The following DGKA variants were observed in gnomAD, a reference collection of about 807,000 sequenced individuals.
DGKA encodes diacylglycerol kinase alpha, also known as 80 kDa diacylglycerol kinase.
DGKA carries 35 observed loss-of-function variants against 105.0 expected under a neutral mutation model. That is an observed-to-expected ratio of 0.33 (90% CI 0.25 to 0.44). The LOEUF is 0.44. DGKA is among the 20% of genes least tolerant of loss of function. The pLI, the probability that DGKA is intolerant of heterozygous loss-of-function variation, is 1.00. For synonymous variants in DGKA, 296 were observed against 332.0 expected, an observed-to-expected ratio of 0.89 and a Z score of 1.18; for missense variants, 665 against 915.0, an observed-to-expected ratio of 0.73 and a Z score of 3.53.
At chr12:55,929,264 A>T (rs1361854302), upstream of DGKA, 1 of 152,268 alleles carries the variant, frequency 6.6e-6, no homozygotes, top group Non-Finnish European at 1.5e-5. Context: ...GCAGGGTCTA[A>T]CATCTTGTCC....
At chr12:55,939,867 G>C (rs1319878167) in intron 9 of DGKA, 1 of 597,170 alleles carries the variant, frequency 1.7e-6, no homozygotes, top group East Asian at 2.8e-5. Flanking sequence ...CTGGCACATG[G>C]ATGGTGTGGG....
At chr12:55,951,989 G>T in intron 18 of DGKA, 46 bp from the exon 19 acceptor site, 1 of 1,606,954 alleles carries the variant, frequency 6.2e-7, no homozygotes, top group Non-Finnish European at 8.5e-7. Flanking sequence ...AGACCGGGAG[G>T]GAGAGATTGA....
intron 1 of DGKA, chr12:55,935,988 C>G (rs1592671051): frequency 2.0e-6 from 2 of 989,388 alleles, no homozygotes; most frequent in Non-Finnish European, 2.4e-6. Flanking sequence ...CCGGAACTGC[C>G]GGAACTGCCG....
In DGKA at chr12:55,936,619, C is replaced by A. The variant is rs764862698; in HGVS notation, c.64+52C>A. The stretch of plus-strand genomic sequence containing the variant: ...TCTGGAGACCCTGCCCCAGAGAATC[C>A]CTCCTCCTCCTCATTACACCCCCTG... On this transcript the variant is annotated intron_variant, in intron 2 of 23. Transcript: ENST00000331886. The A allele has an allele frequency of 1.9e-6, 3 of 1,609,964 alleles. No homozygotes were observed. In the South Asian group the frequency reaches 3.3e-5, roughly 18 times the overall value.
Position 55,937,450 on chromosome 12 carries a change from C to G in DGKA, c.181C>G (p.Leu61Val). 1 of 1,614,172 alleles carries G rather than the reference C, an allele frequency of 6.2e-7. No homozygotes were observed. Among genetic ancestry groups the G allele is most frequent in the Admixed American group, 1.7e-5 (1 of 60,014 alleles). ...EGFQQFLKIY[L>V]EVDNVPRHLS... ...ATTCCAGCAATTCCTGAAAATCTAT[C>G]TCGAAGTGGATAATGTTCCCAGACA... The change falls in exon 4 of 24, where the codon CTC (leucine) becomes GTC (valine). Residue 61 changes from leucine (L) to valine (V), a missense_variant. Coordinates refer to ENST00000331886, the MANE Select transcript of DGKA (RefSeq NM_001345.5).
upstream of DGKA, among the ~76,000 whole-genome samples, chr12:55,928,957 A>G (rs144346859): frequency 0.014 from 2,160 of 151,902 alleles, 51 homozygotes; most frequent in African/African-American, 0.05. Context: ...GGAGTTCGAG[A>G]CCAGCCATGG....
At chr12:55,927,679 C>A (rs1025423017), upstream of DGKA, 14 of 1,536,874 alleles carry the variant, frequency 9.1e-6, no homozygotes, top group Non-Finnish European at 1.2e-5. Context: ...CCACCAGAGA[C>A]CCGCGGGAGG....
intron 13 of DGKA, 130 bp downstream of exon 13, chr12:55,941,110 T>G: frequency 1.5e-6 from 2 of 1,338,724 alleles, no homozygotes; most frequent in Admixed American, 2.0e-5. Flanking sequence ...TCCACCATGG[T>G]AGGGGAGGGA....
intron 17 of DGKA, 133 bp from the exon 18 acceptor site, chr12:55,951,490 C>T (rs1163808462): frequency 2.3e-6 from 2 of 885,124 alleles, no homozygotes; most frequent in Non-Finnish European, 3.5e-6. Flanking sequence ...GCACCCTGCC[C>T]TGTCACTGGC....
chr12:55,953,431 C>T (rs1328122069), intron 23 of DGKA, 21 bp downstream of exon 23: 6 of 1,612,908 alleles, frequency 3.7e-6, no homozygotes, highest in Non-Finnish European at 5.1e-6. Flanking sequence ...ACGATCCCAG[C>T]CAAAAATTAA....
At chr12:55,942,859 C>A (rs543451758) in intron 17 of DGKA, among the ~76,000 whole-genome samples, 8 of 152,128 alleles carry the variant, frequency 5.3e-5, no homozygotes, top group African/African-American at 1.7e-4. Context: ...GCTCTAAGAT[C>A]TTGCTGGAGA....
chr12:55,932,560 G>A lies in DGKA; in HGVS notation c.-82+1216G>A, dbSNP rs1286338266. The A allele has an allele frequency of 4.3e-6, 3 of 702,162 alleles. No homozygotes were observed. The highest frequency in any genetic ancestry group is 4.0e-5 in the Admixed American group (2 of 49,972). 43.5% of individuals were successfully genotyped at this position (702,162 alleles called of 1,614,324 possible). ...CTGAATCTCACTTTTCACCTTGATAGGAGAAATGAGCCTTCCTGAGGAAGA... is the reference window on the plus strand; with the variant it reads ...CTGAATCTCACTTTTCACCTTGATAAGAGAAATGAGCCTTCCTGAGGAAGA... On this transcript the variant is annotated intron_variant, in intron 1 of 23. Coordinates refer to ENST00000331886, the MANE Select transcript of DGKA (RefSeq NM_001345.5). The surrounding 1 kb of genome is among the most constrained non-coding windows in gnomAD (Gnocchi z 4.3).
intron 3 of DGKA, 37 bp from the exon 4 acceptor site, chr12:55,937,371 T>G: frequency 6.2e-7 from 1 of 1,605,522 alleles, no homozygotes; most frequent in Non-Finnish European, 8.5e-7. Context: ...GCTCTGACCT[T>G]GCAGACTCCC....
intron 17 of DGKA, among the ~76,000 whole-genome samples, chr12:55,947,288 G>T (rs1260447365): frequency 2.0e-5 from 3 of 152,008 alleles, no homozygotes; most frequent in Non-Finnish European, 4.4e-5. Flanking sequence ...CCCAGCTGTG[G>T]AGACATTTTT....
chr12:55,938,186 C>T (rs1242374585), intron 5 of DGKA, 134 bp downstream of exon 5: 4 of 809,966 alleles, frequency 4.9e-6, no homozygotes, highest in Non-Finnish European at 6.0e-6. Context: ...AGAGAATGAG[C>T]CCATTTCCTG....
chr12:55,952,037 T>G lies in DGKA; in HGVS notation c.1590T>G (p.Asp530Glu), dbSNP rs1171173898. ...CCTTCATGTCCCGAACTCTCCAGGA[T>G]GCCTCTATTGCTCATCGATTCCACA... Reference protein sequence around the residue: ...IINNYFSIGVDASIAHRFHIM... With the variant: ...IINNYFSIGVEASIAHRFHIM... Residue 530 changes from aspartate (D) to glutamate (E), a missense_variant and splice_region_variant, in exon 19 of 24, where the codon GAT (aspartate) becomes GAG (glutamate). By Grantham distance (45) the Asp-to-Glu change is conservative. Coordinates refer to ENST00000331886, the MANE Select transcript of DGKA (RefSeq NM_001345.5). The surrounding 1 kb of genome is among the most constrained non-coding windows in gnomAD (Gnocchi z 5.1). The G allele has an allele frequency of 1.2e-6, 2 of 1,614,032 alleles. No individual in the cohort carries two copies. Among genetic ancestry groups the G allele is most frequent in the Non-Finnish European group, 8.5e-7 (1 of 1,180,012 alleles).
chr12:55,935,870 G>T, intron 1 of DGKA: 2 of 986,190 alleles, frequency 2.0e-6, no homozygotes, highest in Non-Finnish European at 2.4e-6. Flanking sequence ...GGCGTGGGTG[G>T]CTCGGGGAGT....
intron 6 of DGKA, 149 bp downstream of exon 6, chr12:55,938,709 A>G (rs1366984461): frequency 6.4e-7 from 1 of 1,567,944 alleles, no homozygotes; most frequent in African/African-American, 1.4e-5. Flanking sequence ...GTAAGTCCCA[A>G]GCTCTTGACC....
At chr12:55,927,881 T>A (rs916739156), upstream of DGKA, 62 of 1,335,056 alleles carry the variant, frequency 4.6e-5, no homozygotes, top group Non-Finnish European at 6.1e-5. Context: ...CGCCCAGACC[T>A]CCTAACCCTG....
Sources: allele counts gnomAD v4.1 joint callset (sites outside exome capture counted in the v4.1 genomes callset), GRCh38; gene constraint gnomAD v4.1.1; non-coding constraint Gnocchi (gnomAD v3.1); transcripts MANE v1.5; gene names NCBI Gene and HGNC (gene_info 2026-07-23, HGNC 2026-07-21).